The following AARSD1 variants were observed in gnomAD, a reference collection of about 807,000 sequenced individuals.
The protein encoded by AARSD1 is alanyl-tRNA synthetase domain containing 1.
In AARSD1, 44 loss-of-function variants were observed where a neutral mutation model predicts 48.7. The ratio of observed to expected loss-of-function variants is 0.90; its 90% CI spans 0.71 to 1.16. The LOEUF (loss-of-function observed/expected upper bound fraction) is 1.16, where lower values mean the gene tolerates loss of function less well. Ranked by LOEUF, AARSD1 falls within the 50% of genes most tolerant of loss-of-function variation. AARSD1 has a pLI of 0.00. For synonymous variants in AARSD1, 189 were observed against 194.9 expected, an observed-to-expected ratio of 0.97 and a Z score of 0.25; for missense variants, 511 against 523.1, an observed-to-expected ratio of 0.98 and a Z score of 0.23.
intron 11 of AARSD1, among the ~76,000 whole-genome samples, chr17:42,951,143 A>G (rs2049473960): frequency 6.6e-6 from 1 of 152,116 alleles, no homozygotes; most frequent in African/African-American, 2.4e-5. Context: ...GGGCAACAAG[A>G]GTGAAACTTT....
intron 2 of AARSD1, among the ~76,000 whole-genome samples, chr17:42,963,807 T>C (rs1021608310): frequency 8.5e-5 from 13 of 152,152 alleles, no homozygotes; most frequent in African/African-American, 2.9e-4. Flanking sequence ...TCTCTTTCCC[T>C]TTACTTGGTT....
At chr17:42,957,476 C>CTTTT (rs1165420812) in intron 3 of AARSD1, 179 of 82,976 alleles carry the variant, frequency 2.2e-3, no homozygotes, top group Admixed American at 2.5e-3. Context: ...ACTTAACTTC[C>CTTTT]TTTTTTTTTT....
rs201059518 is a variant in AARSD1, at chr17:42,961,209, T to C, written c.314A>G (p.His105Arg). Residue 105 changes from histidine to arginine, a missense_variant, in exon 3 of 12, where the codon CAC becomes CGC. Physicochemically the swap from His to Arg is conservative, Grantham distance 29. Coordinates refer to ENST00000427569, the MANE Select transcript of AARSD1 (RefSeq NM_001261434.2). ...GCCTTTACCTGAATGCTGCTGCATG[T>C]GGTCAAACCTCCGCTCCCAATCTAC... ...VRVDWERRFDHMQQHSGQHLI... is the reference protein window; with the variant it reads ...VRVDWERRFDRMQQHSGQHLI... The C allele has an allele frequency of 6.2e-7, 1 of 1,612,254 alleles. No homozygotes were observed. The highest frequency in any genetic ancestry group is 8.5e-7 in the Non-Finnish European group (1 of 1,178,666).
chr17:42,950,900 T>G (rs2049471340), intron 11 of AARSD1, among the ~76,000 whole-genome samples, 172 bp from the exon 12 acceptor site: 1 of 152,086 alleles, frequency 6.6e-6, no homozygotes, highest in African/African-American at 2.4e-5. Context: ...GGCTCACACC[T>G]GTAATCCCAG....
intron 10 of AARSD1, 77 bp from the exon 11 acceptor site, chr17:42,951,971 A>C (rs564570513): frequency 6.9e-6 from 10 of 1,452,052 alleles, no homozygotes; most frequent in Admixed American, 5.4e-5. Context: ...CACTCTCTTC[A>C]ATCTTAAGAA....
intron 2 of AARSD1, among the ~76,000 whole-genome samples, chr17:42,962,751 G>A (rs758290262): frequency 1.8e-4 from 27 of 152,318 alleles, no homozygotes; most frequent in Non-Finnish European, 3.4e-4. Flanking sequence ...CCTGAGTGGA[G>A]GCCAGGGCAG....
At chr17:42,960,416 G>A (rs2049618592) in intron 3 of AARSD1, among the ~76,000 whole-genome samples, 1 of 152,108 alleles carries the variant, frequency 6.6e-6, no homozygotes. Context: ...ACTGTGGAAA[G>A]AAGTGGACAG....
chr17:42,954,496 G>A (rs542624497), intron 9 of AARSD1, among the ~76,000 whole-genome samples: 9 of 151,780 alleles, frequency 5.9e-5, no homozygotes, highest in Admixed American at 4.6e-4. Context: ...GTGCTGTGGC[G>A]TGATCTCCAC....
At position 42,964,443 on chromosome 17, in the gene AARSD1, C is replaced by A; in HGVS notation, c.-3G>T. ...TCACGCTGACACCAGAACGCCATAC[C>A]TGCAGGCGTGTGAGGAGGCGCACGC... On this transcript the variant is annotated 5_prime_UTR_variant, in exon 1 of 12. It adds an upstream start codon to the 5' untranslated region. Coordinates refer to ENST00000427569, the MANE Select transcript of AARSD1 (RefSeq NM_001261434.2). 1 of 1,550,632 alleles carries A rather than the reference C, an allele frequency of 6.4e-7. No homozygotes were observed. The highest frequency in any genetic ancestry group is 8.7e-7 in the Non-Finnish European group (1 of 1,147,030).
chr17:42,953,919 T>G, intron 9 of AARSD1, 141 bp from the exon 10 acceptor site: 1 of 1,069,302 alleles, frequency 9.4e-7, no homozygotes, highest in Non-Finnish European at 1.4e-6. Flanking sequence ...GAGAGAGTAC[T>G]GGCTGAAAGC....
chr17:42,956,068 T>C, intron 6 of AARSD1, 96 bp from the exon 7 acceptor site: 1 of 1,609,654 alleles, frequency 6.2e-7, no homozygotes, highest in Non-Finnish European at 8.5e-7. Context: ...ACCTATCTGT[T>C]CCTCAGCTCT....
In AARSD1 at chr17:42,954,726, C is replaced by A. The variant is rs150360451; in HGVS notation, c.953+150G>T. Reference sequence around the variant, plus strand: ...GGGATTACAGGCGTGAGCCACCGCGCCCGGCCAGTAACATATTTCTTAGGA... The same window carrying A: ...GGGATTACAGGCGTGAGCCACCGCGACCGGCCAGTAACATATTTCTTAGGA... On this transcript the variant is annotated intron_variant, in intron 9 of 11. Transcript: ENST00000427569. 8.4e-4 allele frequency: 701 copies of A among 834,174 alleles called. 8 individuals are homozygous for A. In the East Asian group the frequency reaches 0.019, roughly 23 times the overall value. 51.7% of individuals were successfully genotyped at this position (834,174 alleles called of 1,614,324 possible).
rs767512996 is a variant in AARSD1 at position 42,964,100 on chromosome 17, T to C, written c.171+6A>G. The C allele has an allele frequency of 1.9e-6, 3 of 1,614,176 alleles. No homozygotes were observed. Among genetic ancestry groups the C allele is most frequent in the South Asian group, 2.2e-5 (2 of 91,086 alleles). On this transcript the variant is annotated splice_donor_region_variant and intron_variant, in intron 2 of 11. Coordinates refer to ENST00000427569, the MANE Select transcript of AARSD1 (RefSeq NM_001261434.2). The stretch of plus-strand genomic sequence containing the variant: ...GGGGCTTCCTGGGAAGAGATCGTTT[T>C]GGTACCTGTCCCCCGCCCTCAGGGA...
rs755037502 is a variant in AARSD1, at chr17:42,956,462, C to G, written c.488G>C (p.Arg163Thr). Reference protein sequence around the residue: ...AIEQSVNEKIRDRLPVNVREL... With the variant: ...AIEQSVNEKITDRLPVNVREL... ...TCGGACATTCACAGGCAGCCGATCT[C>G]TGATTTTTTCATTGACGCTCTGCTC... The change falls in exon 5 of 12, where the codon AGA becomes ACA. Residue 163 changes from arginine to threonine, a missense_variant. Physicochemically the swap from Arg to Thr is moderately conservative, Grantham distance 71. Transcript: ENST00000427569. The G allele has an allele frequency of 9.9e-6, 16 of 1,614,072 alleles. No individual in the cohort carries two copies. The South Asian group carries it at 1.4e-4, about 14-fold the overall frequency.
At chr17:42,951,962 ACT>A in intron 10 of AARSD1, 68 bp from the exon 11 acceptor site, 6 of 1,508,956 alleles carry the variant, frequency 4.0e-6, no homozygotes, top group Non-Finnish European at 5.5e-6. Flanking sequence ...CAAATCCTGC[ACT>A]CTCTTCAATC....
intron 4 of AARSD1, 119 bp downstream of exon 4, chr17:42,957,019 G>C: frequency 9.3e-7 from 1 of 1,070,924 alleles, no homozygotes; most frequent in Non-Finnish European, 1.3e-6. Flanking sequence ...CTGCCATTTG[G>C]TGGCAATCAC....
At chr17:42,960,173 G>T (rs2049614315) in intron 3 of AARSD1, among the ~76,000 whole-genome samples, 1 of 151,780 alleles carries the variant, frequency 6.6e-6, no homozygotes, top group Non-Finnish European at 1.5e-5. Flanking sequence ...GGAGGCCAAG[G>T]CAAGAGGATC....
rs747872113 is a variant in AARSD1 at position 42,960,465 on chromosome 17, C to T, written c.331+727G>A. Among the ~76,000 whole-genome samples, 5 of 151,832 alleles carry T rather than the reference C, an allele frequency of 3.3e-5. No individual in the cohort carries two copies. The South Asian group carries it at 6.2e-4, about 19-fold the overall frequency. ...AAACCAACATGCTGGGGGGGTGTGG[C>T]TCATGCCTGTACTTTGCGGGGTCAA... On this transcript the variant is annotated intron_variant, in intron 3 of 11. Transcript: ENST00000427569.
intron 11 of AARSD1, among the ~76,000 whole-genome samples, chr17:42,951,031 C>T (rs980018459): frequency 2.0e-5 from 3 of 151,870 alleles, no homozygotes; most frequent in East Asian, 1.9e-4. Flanking sequence ...TGGTGGTATG[C>T]GCCATAATCC....
Sources: gnomAD v4.1 joint callset for allele counts (sites outside exome capture counted in the v4.1 genomes callset) on GRCh38, gnomAD v4.1.1 for gene constraint, MANE v1.5 for transcripts, NCBI Gene and HGNC (gene_info 2026-07-23, HGNC 2026-07-21) for gene names.